The following TNFRSF10A variants were observed in gnomAD, a reference collection of about 807,000 sequenced individuals.
TNFRSF10A encodes the protein TNF receptor superfamily member 10a.
Under a neutral mutation model 42.8 loss-of-function variants are expected in TNFRSF10A, and 44 were observed. The ratio of observed to expected loss-of-function variants is 1.03; its 90% confidence interval spans 0.81 to 1.32. TNFRSF10A has a LOEUF of 1.32. TNFRSF10A is among the 40% of genes most tolerant of loss of function. The pLI, the probability that TNFRSF10A is intolerant of heterozygous loss-of-function variation, is 0.00. For synonymous variants in TNFRSF10A, 259 were observed against 234.2 expected (o/e 1.11, Z -0.97); for missense variants, 680 against 602.0 (o/e 1.13, Z -1.36).
chr8:23,205,337 G>A (rs1298256265), intron 2 of TNFRSF10A, among the ~76,000 whole-genome samples: 3 of 152,074 alleles, frequency 2.0e-5, no homozygotes, highest in East Asian at 1.9e-4. Flanking sequence ...AAGTCAATGC[G>A]TTACTCAGGT....
At chr8:23,200,990 T>A (rs963079820) in intron 4 of TNFRSF10A, among the ~76,000 whole-genome samples, 8 of 152,184 alleles carry the variant, frequency 5.3e-5, no homozygotes, top group East Asian at 1.9e-4. Flanking sequence ...AGAGCTGCAG[T>A]TCCAGGAGCC....
At chr8:23,200,798 T>A in intron 4 of TNFRSF10A, 38 bp from the exon 5 acceptor site, 1 of 1,583,794 alleles carries the variant, frequency 6.3e-7, no homozygotes, top group African/African-American at 1.4e-5. Flanking sequence ...GGACTCTTGA[T>A]GGAAAGCTGG....
At chr8:23,223,868 C>G (rs1801291375) in intron 1 of TNFRSF10A, among the ~76,000 whole-genome samples, 2 of 152,314 alleles carry the variant, frequency 1.3e-5, no homozygotes, top group South Asian at 4.1e-4. Flanking sequence ...CTGCCTGCCT[C>G]GTGGTGGTCA....
rs1800749116 is a variant in TNFRSF10A, at chr8:23,191,268, T to C, written c.*426A>G. The C allele has an allele frequency of 5.7e-6, 1 of 174,614 alleles. No homozygotes were observed. Among genetic ancestry groups the C allele is most frequent in the African/African-American group, 2.4e-5 (1 of 42,006 alleles). The allele number at this position is 174,614 out of a possible 1,614,324, so 10.8% of individuals were successfully genotyped here. A position where few individuals can be genotyped will look rare whatever the true frequency, so the allele number is the denominator to read the frequency against. ...AGCTCAGGGGAGAACCAGATTTTCCTTTGGCATGTGAGCCTCAGTCGGGCA... is the reference window on the plus strand; with the variant it reads ...AGCTCAGGGGAGAACCAGATTTTCCCTTGGCATGTGAGCCTCAGTCGGGCA... On this transcript the variant is annotated 3_prime_UTR_variant, in exon 10 of 10. Transcript: ENST00000221132.
rs1472728219 is a variant in TNFRSF10A, at chr8:23,225,100, G to A, written c.-39C>T. The stretch of plus-strand genomic sequence containing the variant: ...TCCAAGAAGCAGCGTGCTTGGCTAT[G>A]ACAAGACAGAACTTCGCATTCGGAG... On this transcript the variant is annotated 5_prime_UTR_variant, in exon 1 of 10. Transcript: ENST00000221132. 1.4e-5 allele frequency: 21 copies of A among 1,462,898 alleles called. No individual in the cohort carries two copies. The Admixed American group carries it at 5.0e-4, about 35-fold the overall frequency. The allele number at this position is 1,462,898 out of a possible 1,614,324, so 90.6% of individuals were successfully genotyped here.
intron 2 of TNFRSF10A, among the ~76,000 whole-genome samples, chr8:23,205,857 C>G (rs550672684): frequency 3.3e-5 from 5 of 152,018 alleles, no homozygotes; most frequent in African/African-American, 1.2e-4. Context: ...GCTGGGACTA[C>G]AGGTGCCTGC....
rs138386295 is a variant in TNFRSF10A, at chr8:23,194,002, A to C, written c.1088-1989T>G. On this transcript the variant is annotated intron_variant, in intron 9 of 9. Coordinates refer to ENST00000221132, the MANE Select transcript of TNFRSF10A (RefSeq NM_003844.4). ...TGGTGTTCTCTGCGATGCTGTTTGG[A>C]GTCTGCAGAGGTTTGGCCTTTAAAA... 6.4e-3 allele frequency among the ~76,000 whole-genome samples: 974 copies of C among 152,168 alleles called. 13 individuals are homozygous for C. The highest frequency in any genetic ancestry group is 0.022 in the African/African-American group (921 of 41,506).
At chr8:23,200,041 G>C in intron 6 of TNFRSF10A, 124 bp from the exon 7 acceptor site, 1 of 1,223,114 alleles carries the variant, frequency 8.2e-7, no homozygotes, top group Non-Finnish European at 1.2e-6. Context: ...CCCGGGCCTG[G>C]GGATCCACAT....
At chr8:23,221,937 C>T (rs187383342) in intron 1 of TNFRSF10A, among the ~76,000 whole-genome samples, 64 of 151,706 alleles carry the variant, frequency 4.2e-4, no homozygotes, top group Non-Finnish European at 6.0e-4. Flanking sequence ...AGTGCAGTGG[C>T]GAGATCTCGG....
chr8:23,199,506 G>C, intron 7 of TNFRSF10A, 58 bp from the exon 8 acceptor site: 1 of 1,581,358 alleles, frequency 6.3e-7, no homozygotes, highest in Non-Finnish European at 8.6e-7. Flanking sequence ...CACGGGGTCC[G>C]TAGGGCACGG....
Position 23,200,486 on chromosome 8 carries a change from G to A in TNFRSF10A, c.799+19C>T, listed in dbSNP as rs747871540. 1.2e-6 allele frequency: 2 copies of A among 1,613,578 alleles called. No homozygotes were observed. Among genetic ancestry groups the A allele is most frequent in the African/African-American group, 2.7e-5 (2 of 74,902 alleles). On this transcript the variant is annotated intron_variant, in intron 6 of 9. Coordinates refer to ENST00000221132, the MANE Select transcript of TNFRSF10A (RefSeq NM_003844.4). ...AGGGCAGAGAGTGCCCAGAGCCCTT[G>A]CCCTCAGCCAGCACCTACCTGAGCC...
At chr8:23,224,117 A>G (rs185654967) in intron 1 of TNFRSF10A, among the ~76,000 whole-genome samples, 7 of 151,624 alleles carry the variant, frequency 4.6e-5, no homozygotes, top group Non-Finnish European at 8.8e-5. Flanking sequence ...TGGCTAACAC[A>G]GTGAAACCCC....
intron 2 of TNFRSF10A, among the ~76,000 whole-genome samples, chr8:23,205,760 G>A (rs62501125): frequency 6.8e-6 from 1 of 147,924 alleles, no homozygotes; most frequent in African/African-American, 2.5e-5. Flanking sequence ...ACCCAGGCTG[G>A]AGTGCAGTGG....
intron 8 of TNFRSF10A, among the ~76,000 whole-genome samples, chr8:23,198,017 TTC>T (rs1229782011): frequency 1.3e-5 from 2 of 152,150 alleles, no homozygotes; most frequent in Non-Finnish European, 2.9e-5. Context: ...AATGTTTGCC[TTC>T]TTTTTTTTTT....
chr8:23,216,015 T>C (rs1237303112), intron 1 of TNFRSF10A, among the ~76,000 whole-genome samples: 2 of 151,998 alleles, frequency 1.3e-5, no homozygotes, highest in African/African-American at 2.4e-5. Context: ...ATGGGGTTTC[T>C]CCATGTTGGT....
chr8:23,191,703 G>C lies in TNFRSF10A; in HGVS notation c.1398C>G (p.Ser466=), dbSNP rs776497556. The C allele has an allele frequency of 1.2e-6, 2 of 1,612,996 alleles. No homozygotes were observed. Among genetic ancestry groups the C allele is most frequent in the Non-Finnish European group, 1.7e-6 (2 of 1,179,574 alleles). The change falls in exon 10 of 10, where the codon TCC becomes TCG. Residue 466 remains serine, a synonymous_variant. Coordinates refer to ENST00000221132, the MANE Select transcript of TNFRSF10A (RefSeq NM_003844.4). ...YLEDGTGSAV[S]LE ...TGGTAAAAAGAGTCTTTCACTCCAA[G>C]GACACGGCAGAGCCTGTGCCATCTT...
At chr8:23,223,355 G>A (rs1196113538) in intron 1 of TNFRSF10A, among the ~76,000 whole-genome samples, 7 of 152,258 alleles carry the variant, frequency 4.6e-5, no homozygotes, top group South Asian at 2.1e-4. Context: ...GTGAGCCACC[G>A]CGCCTGGCCT....
At position 23,200,513 on chromosome 8, in the gene TNFRSF10A, A is replaced by T. The variant is rs1434088454; in HGVS notation, c.791T>A (p.Ile264Asn). 5 of 1,614,092 alleles carry T rather than the reference A, an allele frequency of 3.1e-6. No homozygotes were observed. Among genetic ancestry groups the T allele is most frequent in the Non-Finnish European group, 3.4e-6 (4 of 1,180,052 alleles). Reference sequence around the variant, plus strand: ...CCTCAGCCAGCACCTACCTGAGCCGATGCAACAACAGACAATCAGCACAGC... The same window carrying T: ...CCTCAGCCAGCACCTACCTGAGCCGTTGCAACAACAGACAATCAGCACAGC... ...LVAVLIVCCC[I>N]GSGCGGDPKC... Residue 264 changes from isoleucine (I) to asparagine (N), a missense_variant, in exon 6 of 10, where the codon ATC becomes AAC. Coordinates refer to ENST00000221132, the MANE Select transcript of TNFRSF10A (RefSeq NM_003844.4).
intron 9 of TNFRSF10A, among the ~76,000 whole-genome samples, chr8:23,194,201 CA>C (rs1456766643): frequency 6.6e-6 from 1 of 152,070 alleles, no homozygotes; most frequent in Admixed American, 6.6e-5. Context: ...TTTGTGTGTG[CA>C]TATAGGTCTA....
Sources: gnomAD v4.1 joint callset for allele counts (sites outside exome capture counted in the v4.1 genomes callset) on GRCh38, gnomAD v4.1.1 for gene constraint, MANE v1.5 for transcripts, NCBI Gene and HGNC (gene_info 2026-07-23, HGNC 2026-07-21) for gene names.